Variants in PEBP4 observed in about 807,000 individuals in gnomAD.
PEBP4 encodes phosphatidylethanolamine-binding protein 4.
PEBP4 carries 22 observed loss-of-function variants against 23.9 expected under a neutral mutation model. That is an observed-to-expected ratio of 0.92 (90% CI 0.66 to 1.31). The LOEUF (loss-of-function observed/expected upper bound fraction) is 1.31, where lower values mean the gene tolerates loss of function less well. Among genes scored for constraint, PEBP4 ranks in the 40% most tolerant of loss-of-function variants. PEBP4 has a pLI of 0.00. For synonymous variants in PEBP4, 112 were observed against 99.3 expected (o/e 1.13, Z -0.76); for missense variants, 324 against 281.7 (o/e 1.15, Z -1.07).
intron 4 of PEBP4, among the ~76,000 whole-genome samples, chr8:22,795,206 C>T (rs1225563013): frequency 6.5e-5 from 7 of 107,160 alleles, no homozygotes; most frequent in East Asian, 3.1e-4. Context: ...GATGGAGTCT[C>T]GCTCTGTCAT....
At chr8:22,733,049 C>T (rs1227367858) in intron 4 of PEBP4, among the ~76,000 whole-genome samples, 1 of 152,204 alleles carries the variant, frequency 6.6e-6, no homozygotes, top group African/African-American at 2.4e-5. Context: ...CTATCCCCAC[C>T]GCTATTGCCT....
intron 6 of PEBP4, among the ~76,000 whole-genome samples, chr8:22,722,221 C>T (rs918929177): frequency 3.3e-5 from 5 of 152,170 alleles, no homozygotes; most frequent in African/African-American, 1.2e-4. Flanking sequence ...CCCAGAGCTC[C>T]CTCTTCCTTC....
intron 3 of PEBP4, among the ~76,000 whole-genome samples, chr8:22,826,386 C>A (rs1806968812): frequency 6.6e-6 from 1 of 152,146 alleles, no homozygotes; most frequent in Non-Finnish European, 1.5e-5. Context: ...CTCAGTGATT[C>A]CACTTCCGTG....
At chr8:22,755,424 T>C (rs1418389656) in intron 4 of PEBP4, among the ~76,000 whole-genome samples, 2 of 150,162 alleles carry the variant, frequency 1.3e-5, no homozygotes. Flanking sequence ...CAACCTCTGC[T>C]TTCCGGGTTC....
intron 1 of PEBP4, among the ~76,000 whole-genome samples, chr8:22,936,278 A>G (rs1464274688): frequency 6.6e-6 from 1 of 151,938 alleles, no homozygotes; most frequent in Non-Finnish European, 1.5e-5. Flanking sequence ...AATATTTTAC[A>G]GAAATAAAAA....
intron 3 of PEBP4, among the ~76,000 whole-genome samples, chr8:22,901,011 A>G (rs564314840): frequency 6.6e-6 from 1 of 152,342 alleles, no homozygotes; most frequent in South Asian, 2.1e-4. Context: ...AGGATGATAA[A>G]ATGTTTAAAA....
At chr8:22,769,172 A>C (rs1414866825) in intron 4 of PEBP4, among the ~76,000 whole-genome samples, 4 of 152,172 alleles carry the variant, frequency 2.6e-5, no homozygotes, top group Non-Finnish European at 5.9e-5. Context: ...GCTTGGCCTC[A>C]GTGCCCCTCA....
At chr8:22,828,906 T>C (rs773946228) in intron 3 of PEBP4, among the ~76,000 whole-genome samples, 3 of 152,098 alleles carry the variant, frequency 2.0e-5, no homozygotes, top group Non-Finnish European at 4.4e-5. Context: ...CTGAAGCTGC[T>C]TGTCATCCCC....
chr8:22,717,125 C>A (rs1243705364), intron 6 of PEBP4, among the ~76,000 whole-genome samples: 1 of 152,184 alleles, frequency 6.6e-6, no homozygotes, highest in African/African-American at 2.4e-5. Flanking sequence ...GCCTTGACCT[C>A]CCAGGCTCAG....
At position 22,920,294 on chromosome 8, in the gene PEBP4, A is replaced by T. The variant is rs776657322; in HGVS notation, c.148T>A (p.Tyr50Asn). 1.9e-5 allele frequency: 31 copies of T among 1,613,214 alleles called. No individual in the cohort carries two copies. Among genetic ancestry groups the T allele is most frequent in the Non-Finnish European group, 2.4e-5 (28 of 1,179,344 alleles). Reference sequence around the variant, plus strand: ...CAGCCAATGTTCCCCAACTCTGGGTAGAAAACTTCAAGGCCCCTATGAAGA... The same window carrying T: ...CAGCCAATGTTCCCCAACTCTGGGTTGAAAACTTCAAGGCCCCTATGAAGA... ...TLFCQGLEVF[Y>N]PELGNIGCKV... The change falls in exon 3 of 7, where the codon TAC (tyrosine) becomes AAC (asparagine). Residue 50 changes from tyrosine (Y) to asparagine (N), a missense_variant. By Grantham distance (143) the Tyr-to-Asn change is moderately radical. Coordinates refer to ENST00000256404, the MANE Select transcript of PEBP4 (RefSeq NM_144962.3).
In PEBP4 at chr8:22,785,069, C is replaced by T. The variant is rs979558214; in HGVS notation, c.357+32568G>A. Among the ~76,000 whole-genome samples, 4 of 152,274 alleles carry T rather than the reference C, an allele frequency of 2.6e-5. No homozygotes were observed. The South Asian group carries it at 6.2e-4, about 24-fold the overall frequency. ...TCCCAGTGTGTCTAGAACACTTTGC[C>T]GCCCACTCTGTCCCCACTTTTCCCA... On this transcript the variant is annotated intron_variant, in intron 4 of 6. Transcript: ENST00000256404.
intron 4 of PEBP4, among the ~76,000 whole-genome samples, chr8:22,766,600 C>T (rs930280851): frequency 1.1e-4 from 16 of 152,196 alleles, no homozygotes; most frequent in Admixed American, 2.6e-4. Context: ...GTGACACATC[C>T]CTGCACATTG....
chr8:22,929,017 T>C (rs1027420043), upstream of PEBP4, among the ~76,000 whole-genome samples: 1 of 152,048 alleles, frequency 6.6e-6, no homozygotes, highest in Non-Finnish European at 1.5e-5. Flanking sequence ...CAACCAGGAC[T>C]CCCCCTTGCC....
intron 1 of PEBP4, among the ~76,000 whole-genome samples, chr8:22,937,802 G>A (rs746743100): frequency 1.1e-4 from 5 of 47,280 alleles, no homozygotes; most frequent in Admixed American, 2.5e-4. Flanking sequence ...GTATGTATGT[G>A]TGTGTGTGTG....
chr8:22,778,384 AC>A lies in PEBP4; in HGVS notation c.357+39252del, dbSNP rs201664600. Among the ~76,000 whole-genome samples the A allele has an allele frequency of 8.5e-4, 125 of 147,264 alleles. 3 individuals are homozygous for A. Among genetic ancestry groups the A allele is most frequent in the Middle Eastern group, 3.6e-3 (1 of 280 alleles). Reference sequence around the variant, plus strand: ...GCAGTTATGGGGAGACAGAGCTTGAACTTTTTTTTTTTTTTTTGAGATGGAG... The same window carrying A: ...GCAGTTATGGGGAGACAGAGCTTGAATTTTTTTTTTTTTTTTGAGATGGAG... On this transcript the variant is annotated intron_variant, in intron 4 of 6. Coordinates refer to ENST00000256404, the MANE Select transcript of PEBP4 (RefSeq NM_144962.3).
intron 6 of PEBP4, among the ~76,000 whole-genome samples, chr8:22,724,456 C>T (rs1429103741): frequency 2.0e-5 from 3 of 152,216 alleles, no homozygotes; most frequent in Non-Finnish European, 2.9e-5. Flanking sequence ...CATTCCAGGG[C>T]CCTCTTGCCC....
At chr8:22,764,497 G>A (rs1466392868) in intron 4 of PEBP4, among the ~76,000 whole-genome samples, 1 of 152,204 alleles carries the variant, frequency 6.6e-6, no homozygotes, top group Middle Eastern at 3.2e-3. Flanking sequence ...GGCTGGCTTT[G>A]TGGGCATGTG....
At chr8:22,864,013 C>G (rs140940106) in intron 3 of PEBP4, among the ~76,000 whole-genome samples, 154 of 152,320 alleles carry the variant, frequency 1.0e-3, no homozygotes, top group Middle Eastern at 6.8e-3. Context: ...CTCACAGCCA[C>G]CAGAATGATC....
intron 3 of PEBP4, among the ~76,000 whole-genome samples, chr8:22,855,023 CACACACACACACACACACACAT>C (rs1181606938): frequency 1.9e-4 from 13 of 68,258 alleles, no homozygotes; most frequent in South Asian, 5.6e-4. Flanking sequence ...CACACACACA[CACACACACACACACACACACAT>C]GCACCCCAGG....
Sources: allele counts gnomAD v4.1 joint callset (sites outside exome capture counted in the v4.1 genomes callset), GRCh38; gene constraint gnomAD v4.1.1; transcripts MANE v1.5; gene names NCBI Gene and HGNC (gene_info 2026-07-23, HGNC 2026-07-21).